SRD5A2: variants seen among roughly 807,000 people sequenced by gnomAD.
SRD5A2 encodes steroid 5 alpha-reductase 2.
In SRD5A2, 30 loss-of-function variants were observed where a neutral mutation model predicts 27.4. The ratio of observed to expected loss-of-function variants is 1.10; its 90% CI spans 0.82 to 1.49. The LOEUF is 1.49. Ranked by LOEUF, SRD5A2 falls within the 40% of genes most tolerant of loss-of-function variation. The pLI is 0.00. For missense variants in SRD5A2, 348 were observed against 323.4 expected, an observed-to-expected ratio of 1.08 and a Z score of -0.58; for synonymous variants, 141 against 133.6, an observed-to-expected ratio of 1.06 and a Z score of -0.38.
chr2:31,648,835 T>C, the SRD5A2 span, among the ~76,000 whole-genome samples: 1 of 152,218 alleles, frequency 6.6e-6, no homozygotes, highest in Non-Finnish European at 1.5e-5. Context: ...TTTGAAAATA[T>C]GCTTTGTCCT....
chr2:31,590,950 G>T, the SRD5A2 span, among the ~76,000 whole-genome samples: 1 of 152,186 alleles, frequency 6.6e-6, no homozygotes, highest in African/African-American at 2.4e-5. Flanking sequence ...ATGGATTAAA[G>T]ACTTAAATGT....
intron 1 of SRD5A2, among the ~76,000 whole-genome samples, chr2:31,549,202 T>C (rs1466903616): frequency 6.6e-6 from 1 of 151,308 alleles, no homozygotes; most frequent in East Asian, 1.9e-4. Flanking sequence ...AACCGCCGCC[T>C]CCCAGGTCCA....
chr2:31,621,067 T>C, the SRD5A2 span, among the ~76,000 whole-genome samples: 1 of 151,460 alleles, frequency 6.6e-6, no homozygotes, highest in Admixed American at 6.6e-5. Flanking sequence ...CACAGATTCA[T>C]ATGCATTTTA....
At chr2:31,594,392 G>C in the SRD5A2 span, among the ~76,000 whole-genome samples, 1 of 152,054 alleles carries the variant, frequency 6.6e-6, no homozygotes, top group Non-Finnish European at 1.5e-5. Context: ...AAAGCGAGCA[G>C]GATTAGCTAT....
intron 1 of SRD5A2, among the ~76,000 whole-genome samples, chr2:31,546,242 A>G (rs1051151239): frequency 4.6e-5 from 7 of 152,148 alleles, no homozygotes; most frequent in African/African-American, 1.7e-4. Context: ...GACATCAAAA[A>G]GCCAAAACAA....
chr2:31,584,836 C>G (rs973410958), upstream of SRD5A2, among the ~76,000 whole-genome samples: 14 of 152,206 alleles, frequency 9.2e-5, no homozygotes, highest in Non-Finnish European at 4.4e-5. Flanking sequence ...TTCACAAGAA[C>G]CAAAACTCAA....
chr2:31,647,413 A>C, the SRD5A2 span, among the ~76,000 whole-genome samples: 3 of 152,186 alleles, frequency 2.0e-5, no homozygotes, highest in Non-Finnish European at 2.9e-5. Context: ...CCCTTTCTTA[A>C]TAAAACATAT....
chr2:31,546,427 T>C (rs930738099), intron 1 of SRD5A2, among the ~76,000 whole-genome samples: 1 of 152,188 alleles, frequency 6.6e-6, no homozygotes, highest in Non-Finnish European at 1.5e-5. Context: ...AAAGAAAATA[T>C]GTTACATATA....
the SRD5A2 span, among the ~76,000 whole-genome samples, chr2:31,616,917 G>A: frequency 1.3e-5 from 2 of 152,142 alleles, no homozygotes; most frequent in Non-Finnish European, 2.9e-5. Flanking sequence ...ATTCCTATGT[G>A]TTGTGGGAGG....
At chr2:31,621,220 G>A in the SRD5A2 span, among the ~76,000 whole-genome samples, 3 of 151,732 alleles carry the variant, frequency 2.0e-5, no homozygotes, top group Non-Finnish European at 2.9e-5. Flanking sequence ...CACCACAAAG[G>A]TTCCTTAGTT....
the SRD5A2 span, among the ~76,000 whole-genome samples, chr2:31,658,531 G>C: frequency 1.5e-4 from 22 of 151,182 alleles, no homozygotes; most frequent in African/African-American, 5.4e-4. Context: ...TGGCAAAGGG[G>C]ACATTACCAC....
At chr2:31,581,890 G>C (rs111228245), upstream of SRD5A2, among the ~76,000 whole-genome samples, 20 of 152,160 alleles carry the variant, frequency 1.3e-4, no homozygotes, top group Admixed American at 3.3e-4. Context: ...TCTCTCTTCC[G>C]TTTCCCACCT....
the SRD5A2 span, among the ~76,000 whole-genome samples, chr2:31,622,564 G>A: frequency 2.0e-5 from 3 of 152,060 alleles, no homozygotes; most frequent in Non-Finnish European, 4.4e-5. Flanking sequence ...GGGCATCGTC[G>A]TGGAGAAGAA....
the SRD5A2 span, among the ~76,000 whole-genome samples, chr2:31,595,774 T>C: frequency 3.3e-5 from 5 of 152,016 alleles, no homozygotes; most frequent in Admixed American, 2.6e-4. Context: ...CAAACTAATA[T>C]TCCTGGTGAG....
the SRD5A2 span, among the ~76,000 whole-genome samples, chr2:31,610,290 A>T: frequency 6.6e-6 from 1 of 152,206 alleles, no homozygotes; most frequent in Admixed American, 6.5e-5. Context: ...AAAAGCTAGC[A>T]AACTAAATTC....
the SRD5A2 span, among the ~76,000 whole-genome samples, chr2:31,605,872 T>C: frequency 6.6e-6 from 1 of 151,864 alleles, no homozygotes; most frequent in East Asian, 1.9e-4. Context: ...GCACTGTTCA[T>C]AATATCCAAG....
At chr2:31,535,783 G>C (rs1003667685) in intron 1 of SRD5A2, among the ~76,000 whole-genome samples, 2 of 152,202 alleles carry the variant, frequency 1.3e-5, no homozygotes, top group African/African-American at 4.8e-5. Flanking sequence ...AGGAAATTGA[G>C]TCTCTAATAC....
intron 1 of SRD5A2, among the ~76,000 whole-genome samples, chr2:31,537,456 A>C (rs947631363): frequency 6.6e-6 from 1 of 150,992 alleles, no homozygotes; most frequent in Non-Finnish European, 1.5e-5. Flanking sequence ...TCAATTTACA[A>C]CTCTCTTCTT....
the SRD5A2 span, among the ~76,000 whole-genome samples, chr2:31,652,329 G>C: frequency 6.6e-6 from 1 of 152,140 alleles, no homozygotes; most frequent in East Asian, 1.9e-4. Flanking sequence ...TGGGAAATAG[G>C]CAGATTTTTA....
Sources: allele counts gnomAD v4.1 joint callset (sites outside exome capture counted in the v4.1 genomes callset), GRCh38; gene constraint gnomAD v4.1.1; transcripts MANE v1.5; gene names NCBI Gene and HGNC (gene_info 2026-07-23, HGNC 2026-07-21).